Variants in C4BPB observed in about 807,000 individuals in gnomAD.
C4BPB encodes complement component 4 binding protein beta.
Under a neutral mutation model 26.6 loss-of-function variants are expected in C4BPB, and 19 were observed. That is an observed-to-expected ratio of 0.71 (90% CI 0.50 to 1.05). The LOEUF (loss-of-function observed/expected upper bound fraction) is 1.05. Among genes scored for constraint, C4BPB ranks in the 50% least tolerant of loss-of-function variants. C4BPB has a pLI of 0.00. For synonymous variants in C4BPB, 118 were observed against 103.5 expected (o/e 1.14, Z -0.85); for missense variants, 282 against 302.9 (o/e 0.93, Z 0.51).
intron 4 of C4BPB, chr1:207,095,967 A>T (rs777144999): frequency 5.8e-6 from 1 of 172,540 alleles, no homozygotes; most frequent in South Asian, 1.3e-4. Context: ...AGATGCCAGC[A>T]CCATGTTTCC....
In C4BPB at chr1:207,096,586, A is replaced by G. The variant is rs765920716; in HGVS notation, c.474A>G (p.Gly158=). The change falls in exon 5 of 7, where the codon GGA becomes GGG. Residue 158 remains glycine (G), a synonymous_variant. Transcript: ENST00000367078. ...TTGAAGGAAATAACTTCACCTTAGG[A>G]TCCACCATTAGTTATTACTGTGAAG... ...GYFEGNNFTL[G]STISYYCEDR... 4 of 1,604,956 alleles carry G rather than the reference A, an allele frequency of 2.5e-6. No individual in the cohort carries two copies. Among genetic ancestry groups the G allele is most frequent in the Non-Finnish European group, 3.4e-6 (4 of 1,172,944 alleles).
In C4BPB at chr1:207,090,905, A is replaced by C. The variant is rs1684000134; in HGVS notation, c.232+424A>C. On this transcript the variant is annotated intron_variant, in intron 3 of 6. Coordinates refer to ENST00000367078, the MANE Select transcript of C4BPB (RefSeq NM_001017365.3). ...CACATGATAATCTTGTTTCATGTAT[A>C]TCCTCTTTATTATTTTGAAGTAAGT... 2.0e-5 allele frequency among the ~76,000 whole-genome samples: 3 copies of C among 152,178 alleles called. No individual in the cohort carries two copies. In the South Asian group the frequency reaches 6.2e-4, roughly 31 times the overall value.
chr1:207,096,505 A>G lies in C4BPB; in HGVS notation c.410-17A>G, dbSNP rs780101456. ...CCTGGCCCTCATAACTATGACTTCTATACTCGTTTCTCTCAGGGGACTGTG... is the reference window on the plus strand; with the variant it reads ...CCTGGCCCTCATAACTATGACTTCTGTACTCGTTTCTCTCAGGGGACTGTG... On this transcript the variant is annotated splice_polypyrimidine_tract_variant and intron_variant, in intron 4 of 6. Transcript: ENST00000367078. 4 of 1,500,530 alleles carry G rather than the reference A, an allele frequency of 2.7e-6. No individual in the cohort carries two copies. Among genetic ancestry groups the G allele is most frequent in the Middle Eastern group, 1.7e-4 (1 of 5,810 alleles). 93.0% of individuals were successfully genotyped at this position (1,500,530 alleles called of 1,614,324 possible).
At chr1:207,092,231 A>C (rs934031491) in intron 4 of C4BPB, among the ~76,000 whole-genome samples, 1 of 152,182 alleles carries the variant, frequency 6.6e-6, no homozygotes, top group African/African-American at 2.4e-5. Flanking sequence ...ACTACAATTC[A>C]TATCTCTCAG....
In C4BPB at chr1:207,089,571, C is replaced by G. The variant is rs754051271; in HGVS notation, c.40C>G (p.Arg14Gly). ...TGCGTGCTGTCTTATGGTTGCGTGGCGAGTTTCTGCTTCAGATGGTACGTA... is the reference window on the plus strand; with the variant it reads ...TGCGTGCTGTCTTATGGTTGCGTGGGGAGTTTCTGCTTCAGATGGTACGTA... ...WCACCLMVAW[R>G]VSASDAEHCP... Residue 14 changes from arginine (R) to glycine (G), a missense_variant, in exon 2 of 7, where the codon CGA (arginine) becomes GGA (glycine). By Grantham distance (125) the Arg-to-Gly change is moderately radical. Transcript: ENST00000367078. 6.2e-7 allele frequency: 1 copy of G among 1,613,936 alleles called. No homozygotes were observed. Among genetic ancestry groups the G allele is most frequent in the South Asian group, 1.1e-5 (1 of 91,062 alleles).
intron 6 of C4BPB, among the ~76,000 whole-genome samples, 156 bp from the exon 7 acceptor site, chr1:207,099,633 A>T (rs1684387298): frequency 6.6e-6 from 1 of 152,368 alleles, no homozygotes; most frequent in Non-Finnish European, 1.5e-5. Context: ...GCCAGAAAAT[A>T]TAAATGATTT....
chr1:207,094,055 A>C (rs558820455), intron 4 of C4BPB, among the ~76,000 whole-genome samples: 1 of 152,362 alleles, frequency 6.6e-6, no homozygotes, highest in African/African-American at 2.4e-5. Flanking sequence ...TCTTTTACTG[A>C]TCAGATTAGC....
At chr1:207,098,054 A>C in intron 5 of C4BPB, 96 bp from the exon 6 acceptor site, 4 of 912,066 alleles carry the variant, frequency 4.4e-6, no homozygotes, top group Non-Finnish European at 7.1e-6. Context: ...GGATTCCATC[A>C]CAGCATGAAA....
intron 4 of C4BPB, among the ~76,000 whole-genome samples, chr1:207,093,275 AC>A (rs989128846): frequency 2.0e-5 from 3 of 152,224 alleles, no homozygotes; most frequent in African/African-American, 7.2e-5. Context: ...TATGAAAAAA[AC>A]ATTAATTAAA....
chr1:207,098,603 G>T (rs1163015347), intron 6 of C4BPB, among the ~76,000 whole-genome samples: 2 of 152,174 alleles, frequency 1.3e-5, no homozygotes, highest in Non-Finnish European at 2.9e-5. Context: ...TGGGGGTGGG[G>T]AGAGTGGGGA....
chr1:207,089,871 T>C (rs1683953010), intron 2 of C4BPB, among the ~76,000 whole-genome samples: 1 of 152,190 alleles, frequency 6.6e-6, no homozygotes, highest in Non-Finnish European at 1.5e-5. Context: ...AGGTCTTACT[T>C]GTTATAAACT....
intron 6 of C4BPB, among the ~76,000 whole-genome samples, chr1:207,098,496 T>C (rs1286225126): frequency 2.0e-5 from 3 of 152,204 alleles, no homozygotes; most frequent in Admixed American, 1.3e-4. Context: ...TGAGACCCTG[T>C]TGGTAGAAGT....
In C4BPB at chr1:207,090,498, T is replaced by C; in HGVS notation, c.232+17T>C. On this transcript the variant is annotated intron_variant, in intron 3 of 6. Transcript: ENST00000367078. Reference sequence around the variant, plus strand: ...AGTGCCGCTGTAAGTTAGATCTTTCTGTATCTTTGCCCATATTGATATCCT... The same window carrying C: ...AGTGCCGCTGTAAGTTAGATCTTTCCGTATCTTTGCCCATATTGATATCCT... 6.3e-7 allele frequency: 1 copy of C among 1,587,418 alleles called. No individual in the cohort carries two copies.
In C4BPB at chr1:207,090,414, G is replaced by A; in HGVS notation, c.165G>A (p.Leu55=). Residue 55 remains leucine (L), a synonymous_variant, in exon 3 of 7, where the codon CTG becomes CTA. Coordinates refer to ENST00000367078, the MANE Select transcript of C4BPB (RefSeq NM_001017365.3). ...GTYVCIKGYH[L]VGKKTLFCNA... ...ACGTTTGTATCAAGGGCTACCACCT[G>A]GTAGGAAAGAAGACCCTTTTTTGCA... The A allele has an allele frequency of 6.2e-7, 1 of 1,614,046 alleles. No individual in the cohort carries two copies. Among genetic ancestry groups the A allele is most frequent in the Non-Finnish European group, 8.5e-7 (1 of 1,179,930 alleles).
chr1:207,089,427 AGGT>A, intron 1 of C4BPB, 52 bp from the exon 2 acceptor site: 1 of 862,004 alleles, frequency 1.2e-6, no homozygotes, highest in South Asian at 1.4e-5. Flanking sequence ...TCTAGAGAGG[AGGT>A]GGTTAGGTTG....
chr1:207,099,650 T>C, intron 6 of C4BPB, 139 bp from the exon 7 acceptor site: 2 of 586,992 alleles, frequency 3.4e-6, no homozygotes, highest in South Asian at 3.2e-5. Context: ...ATTTGCCATG[T>C]TGAAAACCCA....
chr1:207,090,333 A>T lies in C4BPB; in HGVS notation c.84A>T (p.Pro28=), dbSNP rs745457794. 8 of 1,613,450 alleles carry T rather than the reference A, an allele frequency of 5.0e-6. No homozygotes were observed. The highest frequency in any genetic ancestry group is 6.8e-6 in the Non-Finnish European group (8 of 1,179,746). ...SDAEHCPELP[P]VDNSIFVAKE... ...CAGAGCACTGTCCAGAGCTTCCTCC[A>T]GTGGACAATAGCATATTTGTCGCAA... is the stretch of plus-strand genomic sequence containing the variant. Residue 28 remains proline (P), a synonymous_variant, in exon 3 of 7, where the codon CCA becomes CCT. Transcript: ENST00000367078.
At chr1:207,095,326 T>G (rs1443343714) in intron 4 of C4BPB, 1 of 456,644 alleles carries the variant, frequency 2.2e-6, no homozygotes, top group South Asian at 1.5e-5. Flanking sequence ...CCAGCCATGT[T>G]CTCCCCTATT....
At chr1:207,093,451 C>A (rs1166736480) in intron 4 of C4BPB, among the ~76,000 whole-genome samples, 1 of 151,966 alleles carries the variant, frequency 6.6e-6, no homozygotes, top group Non-Finnish European at 1.5e-5. Context: ...ACTGTAGGTA[C>A]TACAAATTAT....
Sources: gnomAD v4.1 joint callset for allele counts (sites outside exome capture counted in the v4.1 genomes callset) on GRCh38, gnomAD v4.1.1 for gene constraint, MANE v1.5 for transcripts, NCBI Gene and HGNC (gene_info 2026-07-23, HGNC 2026-07-21) for gene names.